The following GJB6 variants were observed in gnomAD, a reference collection of about 807,000 sequenced individuals.
The protein encoded by GJB6 is gap junction protein beta 6.
A neutral mutation model predicts 5.4 loss-of-function variants in GJB6; 5 were observed. The observed-to-expected ratio is 0.92, with a 90% CI of 0.48 to 1.93. GJB6 has a LOEUF of 1.93. Among genes scored for constraint, GJB6 ranks in the 30% most tolerant of loss-of-function variants. The probability of loss-of-function intolerance (pLI) is 0.01; values close to 1 mark genes in which losing one functional copy is unlikely to be tolerated. For missense variants in GJB6, 298 were observed against 326.9 expected (o/e 0.91, Z 0.68); for synonymous variants, 136 against 129.6 (o/e 1.05, Z -0.34).
In GJB6 at chr13:20,222,766, T is replaced by G. The variant is rs200035713; in HGVS notation, c.715A>C (p.Ser239Arg). 5 of 1,614,110 alleles carry G rather than the reference T, an allele frequency of 3.1e-6. No homozygotes were observed. The highest frequency in any genetic ancestry group is 4.2e-6 in the Non-Finnish European group (5 of 1,179,926). The change falls in exon 5 of 5, where the codon AGT (serine) becomes CGT (arginine). Residue 239 changes from serine (S) to arginine (R), a missense_variant. By Grantham distance (110) the Ser-to-Arg change is moderately radical. Transcript: ENST00000647029. ...AGCTCATTCATTTCATTCTGCTTACTCTCCTTTAGGGCATGATTGGGGTGA... is the reference window on the plus strand; with the variant it reads ...AGCTCATTCATTTCATTCTGCTTACGCTCCTTTAGGGCATGATTGGGGTGA... ...KNHPNHALKE[S>R]KQNEMNELIS... is the part of the protein sequence containing the mutation.
At position 20,223,501 on chromosome 13, in the gene GJB6, C is replaced by G; in HGVS notation, c.-15-6G>C. ...TCCATTGCGCTGGTTTATCCCTAAACAGACAAAAGTGGGCAAAGGTTTATT... is the reference window on the plus strand; with the variant it reads ...TCCATTGCGCTGGTTTATCCCTAAAGAGACAAAAGTGGGCAAAGGTTTATT... On this transcript the variant is annotated splice_polypyrimidine_tract_variant and splice_region_variant and intron_variant, in intron 4 of 4. Transcript: ENST00000647029. The G allele has an allele frequency of 6.2e-6, 10 of 1,611,766 alleles. No individual in the cohort carries two copies. Among genetic ancestry groups the G allele is most frequent in the South Asian group, 1.1e-5 (1 of 91,016 alleles).
chr13:20,228,336 AC>A (rs1225645805), intron 4 of GJB6, among the ~76,000 whole-genome samples: 3 of 152,226 alleles, frequency 2.0e-5, no homozygotes, highest in Non-Finnish European at 4.4e-5. Context: ...AAGAATAGAT[AC>A]GCTTAGCTTC....
At position 20,228,577 on chromosome 13, in the gene GJB6, G is replaced by A. The variant is rs549679885; in HGVS notation, c.-16+1003C>T. On this transcript the variant is annotated intron_variant, in intron 4 of 4. Coordinates refer to ENST00000647029, the MANE Select transcript of GJB6 (RefSeq NM_001110219.3). Reference sequence around the variant, plus strand: ...CGGCTCACTGCAAGCTCCGCCTCCCGGGTTCACGCCGTTCTCCCGCCTCAG... The same window carrying A: ...CGGCTCACTGCAAGCTCCGCCTCCCAGGTTCACGCCGTTCTCCCGCCTCAG... Among the ~76,000 whole-genome samples the A allele has an allele frequency of 2.3e-4, 35 of 150,388 alleles. No individual in the cohort carries two copies. The South Asian group carries it at 5.1e-3, about 22-fold the overall frequency.
At chr13:20,230,200 A>T (rs1199755972) in intron 3 of GJB6, 3 of 152,236 alleles carry the variant, frequency 2.0e-5, no homozygotes, top group Non-Finnish European at 4.4e-5. Flanking sequence ...AAAAAACTTC[A>T]GCAACTGTCC....
chr13:20,223,874 C>T lies in GJB6; in HGVS notation c.-15-379G>A, dbSNP rs61951971. On this transcript the variant is annotated intron_variant, in intron 4 of 4. Transcript: ENST00000647029. ...GTCCCAGCTACTTGGGAGGCTGAGG[C>T]AGGAGAATGGCGTGAACCAGGGAGG... Among the ~76,000 whole-genome samples, 213 of 152,006 alleles carry T rather than the reference C, an allele frequency of 1.4e-3. 1 individual carries two copies. The highest frequency in any genetic ancestry group is 2.6e-3 in the Admixed American group (40 of 15,282).
At chr13:20,224,401 C>T (rs1027584573) in intron 4 of GJB6, among the ~76,000 whole-genome samples, 2 of 152,188 alleles carry the variant, frequency 1.3e-5, no homozygotes, top group Non-Finnish European at 2.9e-5. Context: ...ACTGAGAAAG[C>T]CTCTTCTAAA....
chr13:20,228,072 C>G (rs1869720450), intron 4 of GJB6, among the ~76,000 whole-genome samples: 1 of 152,206 alleles, frequency 6.6e-6, no homozygotes, highest in African/African-American at 2.4e-5. Context: ...TTCACAAACC[C>G]TCTTGGTTGG....
chr13:20,222,868 G>A lies in GJB6; in HGVS notation c.613C>T (p.Leu205Phe). 6.2e-7 allele frequency: 1 copy of A among 1,614,114 alleles called. No individual in the cohort carries two copies. Among genetic ancestry groups the A allele is most frequent in the Non-Finnish European group, 8.5e-7 (1 of 1,180,022 alleles). ...AGGTAGCACAACTCTGCCACGTTAA[G>A]CAGCATGCAAATCACAGACGCAGAA... The part of the protein sequence containing the change: ...MISASVICML[L>F]NVAELCYLLL... Residue 205 changes from leucine (L) to phenylalanine (F), a missense_variant, in exon 5 of 5, where the codon CTT (leucine) becomes TTT (phenylalanine). Leu to Phe is a conservative substitution (Grantham distance 22). Transcript: ENST00000647029.
At chr13:20,228,089 T>C (rs1869722541) in intron 4 of GJB6, among the ~76,000 whole-genome samples, 1 of 152,208 alleles carries the variant, frequency 6.6e-6, no homozygotes, top group Non-Finnish European at 1.5e-5. Flanking sequence ...TTGGAGAAGA[T>C]TTGAAGGCTA....
intron 4 of GJB6, among the ~76,000 whole-genome samples, chr13:20,228,639 CAA>C (rs1869794628): frequency 6.6e-6 from 1 of 151,030 alleles, no homozygotes; most frequent in Admixed American, 6.6e-5. Context: ...CGCCTGCCAC[CAA>C]GCCCGGCTAA....
intron 4 of GJB6, among the ~76,000 whole-genome samples, chr13:20,229,123 CAAAAAAA>C (rs5802041): frequency 4.6e-5 from 2 of 43,872 alleles, no homozygotes; most frequent in Admixed American, 4.8e-4. Context: ...TGTCATTTAG[CAAAAAAA>C]AAAAAAAAAA....
intron 4 of GJB6, among the ~76,000 whole-genome samples, chr13:20,224,383 T>A (rs1869435195): frequency 6.6e-6 from 1 of 152,248 alleles, no homozygotes; most frequent in South Asian, 2.1e-4. Flanking sequence ...AATCTAATAT[T>A]GTCAACTACT....
chr13:20,228,586 C>T (rs1869782565), intron 4 of GJB6, among the ~76,000 whole-genome samples: 3 of 149,680 alleles, frequency 2.0e-5, no homozygotes, highest in Admixed American at 1.3e-4. Flanking sequence ...CGGGTTCACG[C>T]CGTTCTCCCG....
At chr13:20,231,044 A>G (rs1281002927) in intron 2 of GJB6, 1 of 152,434 alleles carries the variant, frequency 6.6e-6, no homozygotes, top group Non-Finnish European at 1.5e-5. Context: ...GCTTCAAGCA[A>G]CACCCCCAAA....
chr13:20,229,933 A>G (rs1255478668), intron 3 of GJB6, 184 bp from the exon 4 acceptor site: 1 of 151,870 alleles, frequency 6.6e-6, no homozygotes, highest in East Asian at 1.9e-4. Flanking sequence ...AAAATAATCA[A>G]AGGTGCTCTT....
chr13:20,228,665 T>C (rs912207353), intron 4 of GJB6, among the ~76,000 whole-genome samples: 21 of 150,892 alleles, frequency 1.4e-4, no homozygotes, highest in African/African-American at 5.1e-4. Flanking sequence ...TTTGTATTTT[T>C]AGTAGAGACG....
intron 4 of GJB6, among the ~76,000 whole-genome samples, chr13:20,224,657 C>A (rs548250062): frequency 4.3e-4 from 65 of 152,334 alleles, no homozygotes; most frequent in African/African-American, 1.5e-3. Flanking sequence ...CAGCTGCCTT[C>A]TTAGCCTATA....
At chr13:20,228,583 ACGCCG>A (rs1869782200) in intron 4 of GJB6, among the ~76,000 whole-genome samples, 8 of 149,354 alleles carry the variant, frequency 5.4e-5, no homozygotes, top group African/African-American at 2.0e-4. Context: ...TCCCGGGTTC[ACGCCG>A]TTCTCCCGCC....
At position 20,223,230 on chromosome 13, in the gene GJB6, A is replaced by G; in HGVS notation, c.251T>C (p.Val84Ala). ...IRLWALQLIF[V>A]STPALLVAMH... Reference sequence around the variant, plus strand: ...GGCCACCAGCAGCGCTGGGGTGGAGACGAAGATCAGCTGGAGGGCCCACAG... The same window carrying G: ...GGCCACCAGCAGCGCTGGGGTGGAGGCGAAGATCAGCTGGAGGGCCCACAG... Residue 84 changes from valine (V) to alanine (A), a missense_variant, in exon 5 of 5, where the codon GTC becomes GCC. By Grantham distance (64) the Val-to-Ala change is moderately conservative. Coordinates refer to ENST00000647029, the MANE Select transcript of GJB6 (RefSeq NM_001110219.3). 1 of 1,610,158 alleles carries G rather than the reference A, an allele frequency of 6.2e-7. No individual in the cohort carries two copies. Among genetic ancestry groups the G allele is most frequent in the Non-Finnish European group, 8.5e-7 (1 of 1,176,884 alleles).
Sources: allele counts gnomAD v4.1 joint callset (sites outside exome capture counted in the v4.1 genomes callset), GRCh38; gene constraint gnomAD v4.1.1; transcripts MANE v1.5; gene names NCBI Gene and HGNC (gene_info 2026-07-23, HGNC 2026-07-21).